The following ADAMTS6 variants were observed in gnomAD, a reference collection of about 807,000 sequenced individuals.
ADAMTS6 encodes ADAM metallopeptidase with thrombospondin type 1 motif 6, also known as A disintegrin and metalloproteinase with thrombospondin motifs 6.
In ADAMTS6, 23 loss-of-function variants were observed where a neutral mutation model predicts 144.3. The ratio of observed to expected loss-of-function variants is 0.16; its 90% CI spans 0.11 to 0.23. The LOEUF is 0.23. Among genes scored for constraint, ADAMTS6 ranks in the 10% least tolerant of loss-of-function variants. The pLI is 1.00. For missense variants in ADAMTS6, 999 were observed against 1,379.6 expected (o/e 0.72, Z 4.37); for synonymous variants, 444 against 457.5 (o/e 0.97, Z 0.38).
At chr5:65,349,647 G>T (rs62369659) in intron 7 of ADAMTS6, among the ~76,000 whole-genome samples, 2 of 151,896 alleles carry the variant, frequency 1.3e-5, no homozygotes, top group African/African-American at 4.8e-5. Flanking sequence ...CTGAGGTCAG[G>T]AGTTCGAGAC....
At chr5:65,457,978 G>C in intron 4 of ADAMTS6, among the ~76,000 whole-genome samples, 1 of 151,950 alleles carries the variant, frequency 6.6e-6, no homozygotes, top group African/African-American at 2.4e-5. Context: ...GCCTGCCTCA[G>C]CTTCCCAAAG....
chr5:65,381,969 G>C (rs1242809684), intron 7 of ADAMTS6, among the ~76,000 whole-genome samples: 1 of 152,124 alleles, frequency 6.6e-6, no homozygotes, highest in Non-Finnish European at 1.5e-5. Context: ...TTCAAACATG[G>C]TAATATATCA....
At chr5:65,355,936 T>C (rs776923381) in intron 7 of ADAMTS6, among the ~76,000 whole-genome samples, 2 of 151,904 alleles carry the variant, frequency 1.3e-5, no homozygotes, top group Non-Finnish European at 2.9e-5. Flanking sequence ...TCTTTATTTT[T>C]AAAATTGTTT....
chr5:65,213,195 C>T (rs1186984996), intron 20 of ADAMTS6, among the ~76,000 whole-genome samples: 3 of 152,126 alleles, frequency 2.0e-5, no homozygotes, highest in Admixed American at 6.5e-5. Context: ...AAATATGTCA[C>T]GAATTATACA....
intron 4 of ADAMTS6, among the ~76,000 whole-genome samples, chr5:65,456,851 TA>T (rs1310648763): frequency 6.6e-6 from 1 of 152,178 alleles, no homozygotes; most frequent in Non-Finnish European, 1.5e-5. Flanking sequence ...ATTACTTCTA[TA>T]AAATGTTTAA....
At chr5:65,159,690 T>C (rs1041095470) in intron 24 of ADAMTS6, among the ~76,000 whole-genome samples, 2 of 152,238 alleles carry the variant, frequency 1.3e-5, no homozygotes, top group Non-Finnish European at 2.9e-5. Context: ...TATTTGTATG[T>C]TGCCAATCCT....
intron 7 of ADAMTS6, among the ~76,000 whole-genome samples, chr5:65,349,213 C>T (rs998945719): frequency 6.6e-6 from 1 of 152,042 alleles, no homozygotes; most frequent in Non-Finnish European, 1.5e-5. Flanking sequence ...TTAAGTCTAG[C>T]TTCAAGCAGC....
chr5:65,439,953 C>T (rs1265421618), intron 7 of ADAMTS6, among the ~76,000 whole-genome samples: 3 of 152,086 alleles, frequency 2.0e-5, no homozygotes, highest in Non-Finnish European at 4.4e-5. Flanking sequence ...TACAGGCATG[C>T]GCCACCATAC....
intron 11 of ADAMTS6, 146 bp from the exon 12 acceptor site, chr5:65,273,593 G>T (rs1423425): frequency 0.3 from 163,508 of 549,156 alleles, 25,443 homozygotes; most frequent in Admixed American, 0.38. Flanking sequence ...GATTTTGGAG[G>T]AGGTTTTTAT....
In ADAMTS6 at chr5:65,232,254, C is replaced by T. The variant is rs185931235; in HGVS notation, c.1934-6035G>A. Among the ~76,000 whole-genome samples, 139 of 152,024 alleles carry T rather than the reference C, an allele frequency of 9.1e-4. 1 individual carries two copies. Among genetic ancestry groups the T allele is most frequent in the Non-Finnish European group, 2.8e-4 (19 of 67,958 alleles). On this transcript the variant is annotated intron_variant, in intron 15 of 24. Coordinates refer to ENST00000381055, the MANE Select transcript of ADAMTS6 (RefSeq NM_197941.4). ...AAGGATTATAGCAATAAATGTCTAA[C>T]ATGAAAAAAGGAGAAAGATTTCAAA...
At chr5:65,246,665 A>G (rs1245748479) in intron 14 of ADAMTS6, among the ~76,000 whole-genome samples, 1 of 152,188 alleles carries the variant, frequency 6.6e-6, no homozygotes, top group Non-Finnish European at 1.5e-5. Context: ...CAGTAAATCC[A>G]AAGGCCCTGA....
At chr5:65,359,450 CAGTT>C (rs1749625284) in intron 7 of ADAMTS6, among the ~76,000 whole-genome samples, 1 of 152,100 alleles carries the variant, frequency 6.6e-6, no homozygotes, top group African/African-American at 2.4e-5. Context: ...CCCTGCTACA[CAGTT>C]AGTGAGAATA....
At chr5:65,408,576 A>G (rs1247777974) in intron 7 of ADAMTS6, among the ~76,000 whole-genome samples, 1 of 152,184 alleles carries the variant, frequency 6.6e-6, no homozygotes, top group African/African-American at 2.4e-5. Flanking sequence ...CACTGTCAAC[A>G]TTAGACAGAT....
chr5:65,455,505 G>C (rs1172753971), intron 4 of ADAMTS6, among the ~76,000 whole-genome samples: 2 of 152,084 alleles, frequency 1.3e-5, no homozygotes, highest in African/African-American at 4.8e-5. Flanking sequence ...TCACACCACT[G>C]CACTCTAGCC....
chr5:65,196,263 A>G (rs554286880), intron 21 of ADAMTS6, among the ~76,000 whole-genome samples: 77 of 152,232 alleles, frequency 5.1e-4, no homozygotes, highest in Middle Eastern at 3.4e-3. Context: ...TTGGCTGGGC[A>G]CGGTGGCTCA....
chr5:65,208,375 G>T (rs374644049), intron 20 of ADAMTS6, among the ~76,000 whole-genome samples: 1 of 152,156 alleles, frequency 6.6e-6, no homozygotes, highest in African/African-American at 2.4e-5. Context: ...ATTGTTTAAA[G>T]TTCTCCTTGG....
In ADAMTS6 at chr5:65,151,832, T is replaced by G. The variant is rs779347189; in HGVS notation, c.*4A>C. 6.2e-7 allele frequency: 1 copy of G among 1,607,408 alleles called. No homozygotes were observed. The highest frequency in any genetic ancestry group is 1.1e-5 in the South Asian group (1 of 90,698). Reference sequence around the variant, plus strand: ...ACAAGGCACTCTCTCTGGCTTTCTGTGGGTCAGTGTCCTTGGCAGGTCTTA... The same window carrying G: ...ACAAGGCACTCTCTCTGGCTTTCTGGGGGTCAGTGTCCTTGGCAGGTCTTA... On this transcript the variant is annotated 3_prime_UTR_variant, in exon 25 of 25. Transcript: ENST00000381055.
chr5:65,234,371 A>C (rs1197817027), intron 15 of ADAMTS6, among the ~76,000 whole-genome samples: 2 of 150,780 alleles, frequency 1.3e-5, no homozygotes, highest in African/African-American at 4.9e-5. Context: ...GAAAATACCC[A>C]AAACATATAA....
In ADAMTS6 at chr5:65,452,892, A is replaced by T. The variant is rs1399210950; in HGVS notation, c.658T>A (p.Trp220Arg). 2 of 1,613,664 alleles carry T rather than the reference A, an allele frequency of 1.2e-6. No homozygotes were observed. Among genetic ancestry groups the T allele is most frequent in the East Asian group, 2.2e-5 (1 of 44,836 alleles). Reference sequence around the variant, plus strand: ...GAAACAGTGGATGTGTCATTCAGCCACCAAGGTTTGCCACTTCTTGTGAAA... The same window carrying T: ...GAAACAGTGGATGTGTCATTCAGCCTCCAAGGTTTGCCACTTCTTGTGAAA... The part of the protein sequence containing the change: ...SDFTRSGKPW[W>R]LNDTSTVSYS... The change falls in exon 5 of 25, where the codon TGG becomes AGG. Residue 220 changes from tryptophan to arginine, a missense_variant. Physicochemically the swap from Trp to Arg is moderately radical, Grantham distance 101. Coordinates refer to ENST00000381055, the MANE Select transcript of ADAMTS6 (RefSeq NM_197941.4).
Sources: allele counts gnomAD v4.1 joint callset (sites outside exome capture counted in the v4.1 genomes callset), GRCh38; gene constraint gnomAD v4.1.1; transcripts MANE v1.5; gene names NCBI Gene and HGNC (gene_info 2026-07-23, HGNC 2026-07-21).